HS3ST4: variants seen among roughly 807,000 people sequenced by gnomAD.
The protein encoded by HS3ST4 is heparan sulfate-glucosamine 3-sulfotransferase 4.
Under a neutral mutation model 29.2 loss-of-function variants are expected in HS3ST4, and 17 were observed. That is an observed-to-expected ratio of 0.58 (90% CI 0.40 to 0.87). The LOEUF (loss-of-function observed/expected upper bound fraction) is 0.87. Among genes scored for constraint, HS3ST4 ranks in the 40% least tolerant of loss-of-function variants. The probability of loss-of-function intolerance (pLI) is 0.00; values close to 1 mark genes in which losing one functional copy is unlikely to be tolerated. For synonymous variants in HS3ST4, 314 were observed against 285.7 expected (o/e 1.10, Z -1.00); for missense variants, 627 against 634.5 (o/e 0.99, Z 0.13).
intron 1 of HS3ST4, among the ~76,000 whole-genome samples, chr16:25,949,989 G>A (rs924060409): frequency 2.0e-5 from 3 of 150,336 alleles, no homozygotes; most frequent in Non-Finnish European, 3.0e-5. Context: ...GCCGCAGTGC[G>A]CCCAGTACCT....
intron 1 of HS3ST4, among the ~76,000 whole-genome samples, chr16:25,926,795 T>C (rs1268305362): frequency 6.6e-6 from 1 of 152,226 alleles, no homozygotes; most frequent in East Asian, 1.9e-4. Flanking sequence ...CTTCAATGCC[T>C]TCCAGCCACT....
At chr16:25,893,468 G>GA (rs1233896767) in intron 1 of HS3ST4, among the ~76,000 whole-genome samples, 4 of 152,166 alleles carry the variant, frequency 2.6e-5, no homozygotes, top group African/African-American at 9.7e-5. Flanking sequence ...ACCAGGAAGG[G>GA]ATCCCGTTGG....
chr16:25,723,880 G>A (rs938014541), intron 1 of HS3ST4, among the ~76,000 whole-genome samples: 1 of 152,122 alleles, frequency 6.6e-6, no homozygotes, highest in African/African-American at 2.4e-5. Flanking sequence ...TTGGGAGGCC[G>A]AGGAGGGTGG....
chr16:25,953,177 T>C (rs1968697906), intron 1 of HS3ST4, among the ~76,000 whole-genome samples: 1 of 152,170 alleles, frequency 6.6e-6, no homozygotes, highest in Non-Finnish European at 1.5e-5. Context: ...GAGTAAGTTA[T>C]GCTTAGCTTG....
chr16:26,129,731 T>C (rs546764014), intron 1 of HS3ST4, among the ~76,000 whole-genome samples: 1 of 152,314 alleles, frequency 6.6e-6, no homozygotes, highest in Non-Finnish European at 1.5e-5. Context: ...ACTTGGTAAG[T>C]CTAGATCCTG....
intron 1 of HS3ST4, among the ~76,000 whole-genome samples, chr16:25,860,503 CTG>C (rs1967625871): frequency 6.6e-6 from 1 of 152,036 alleles, no homozygotes; most frequent in African/African-American, 2.4e-5. Context: ...GATACATAAA[CTG>C]TGGTACATCC....
intron 1 of HS3ST4, among the ~76,000 whole-genome samples, chr16:26,074,166 T>G (rs1391586723): frequency 6.6e-6 from 1 of 152,160 alleles, no homozygotes; most frequent in Non-Finnish European, 1.5e-5. Context: ...CTCAGGACCC[T>G]CTGAGGGCAG....
chr16:25,731,292 A>G (rs1434331437), intron 1 of HS3ST4, among the ~76,000 whole-genome samples: 2 of 152,182 alleles, frequency 1.3e-5, no homozygotes, highest in African/African-American at 4.8e-5. Flanking sequence ...TTGTTAGCAT[A>G]AAGTATTTGG....
intron 1 of HS3ST4, among the ~76,000 whole-genome samples, chr16:25,717,191 C>T (rs184300193): frequency 5.9e-5 from 9 of 152,246 alleles, no homozygotes. Context: ...CCGTGCCTTC[C>T]AGAAATTATT....
At chr16:25,882,499 TG>T (rs1350409481) in intron 1 of HS3ST4, among the ~76,000 whole-genome samples, 1 of 152,152 alleles carries the variant, frequency 6.6e-6, no homozygotes, top group African/African-American at 2.4e-5. Context: ...TTGCCGATGG[TG>T]GATTGTCTTT....
chr16:25,717,309 A>C (rs927152743), intron 1 of HS3ST4, among the ~76,000 whole-genome samples: 2 of 152,162 alleles, frequency 1.3e-5, no homozygotes, highest in Admixed American at 6.5e-5. Context: ...AGAAAGATGT[A>C]ATCAATTAAA....
intron 1 of HS3ST4, among the ~76,000 whole-genome samples, chr16:25,716,879 C>T (rs1966457879): frequency 6.6e-6 from 1 of 152,130 alleles, no homozygotes; most frequent in African/African-American, 2.4e-5. Flanking sequence ...CATGGTGAAA[C>T]CCCATCTCTG....
At chr16:25,946,901 G>A (rs1968631352) in intron 1 of HS3ST4, among the ~76,000 whole-genome samples, 2 of 152,272 alleles carry the variant, frequency 1.3e-5, no homozygotes, top group Admixed American at 1.3e-4. Flanking sequence ...TCAAGGAACT[G>A]AAGGGCAGTG....
chr16:25,833,051 C>A (rs1967320843), intron 1 of HS3ST4, among the ~76,000 whole-genome samples: 1 of 152,082 alleles, frequency 6.6e-6, no homozygotes, highest in Admixed American at 6.6e-5. Flanking sequence ...AATTAAATTT[C>A]ATGTTTATTT....
At chr16:25,970,815 A>C (rs898055774) in intron 1 of HS3ST4, among the ~76,000 whole-genome samples, 1 of 151,708 alleles carries the variant, frequency 6.6e-6, no homozygotes, top group Non-Finnish European at 1.5e-5. Flanking sequence ...TTCCTTTCAC[A>C]GGGGCACCCT....
At chr16:25,944,867 C>T (rs1968609925) in intron 1 of HS3ST4, among the ~76,000 whole-genome samples, 2 of 152,212 alleles carry the variant, frequency 1.3e-5, no homozygotes, top group Admixed American at 6.5e-5. Flanking sequence ...GGGTGTCTTT[C>T]TGAGGGAATC....
chr16:25,918,028 G>A (rs563876715), intron 1 of HS3ST4, among the ~76,000 whole-genome samples: 2 of 152,176 alleles, frequency 1.3e-5, no homozygotes, highest in East Asian at 1.9e-4. Context: ...GATAGGGTGG[G>A]GGGGAGCATC....
At chr16:25,722,774 G>C (rs1596553050) in intron 1 of HS3ST4, among the ~76,000 whole-genome samples, 1 of 152,170 alleles carries the variant, frequency 6.6e-6, no homozygotes. Context: ...GACTCAGTTT[G>C]CTTATCAGTA....
intron 1 of HS3ST4, among the ~76,000 whole-genome samples, chr16:26,015,386 C>G (rs1969353452): frequency 6.6e-6 from 1 of 152,222 alleles, no homozygotes; most frequent in Non-Finnish European, 1.5e-5. Context: ...GAGCTTCTGT[C>G]ATTTTTAGAG....
Sources: gnomAD v4.1 joint callset for allele counts (sites outside exome capture counted in the v4.1 genomes callset) on GRCh38, gnomAD v4.1.1 for gene constraint, MANE v1.5 for transcripts, NCBI Gene and HGNC (gene_info 2026-07-23, HGNC 2026-07-21) for gene names.